The following XYLT1 variants were observed in gnomAD, a reference collection of about 807,000 sequenced individuals.
The protein encoded by XYLT1 is beta-D-xylosyltransferase 1.
In XYLT1, 36 loss-of-function variants were observed where a neutral mutation model predicts 91.3. The observed-to-expected ratio is 0.39, with a 90% confidence interval of 0.30 to 0.52. XYLT1 has a LOEUF of 0.52. Ranked by LOEUF, XYLT1 falls within the 20% of genes least tolerant of loss-of-function variation. XYLT1 has a pLI of 0.68. For synonymous variants in XYLT1, 588 were observed against 532.0 expected, an observed-to-expected ratio of 1.11 and a Z score of -1.45; for missense variants, 1,242 against 1,284.5, an observed-to-expected ratio of 0.97 and a Z score of 0.51.
Position 17,263,812 on chromosome 16 carries a change from G to A in XYLT1, c.403-4314C>T, listed in dbSNP as rs543104185. Reference sequence around the variant, plus strand: ...TAACCTCCGCCTCCCAGGTTCAAGTGATTCTCCTGCCTCAGCCTCCTGAGT... The same window carrying A: ...TAACCTCCGCCTCCCAGGTTCAAGTAATTCTCCTGCCTCAGCCTCCTGAGT... On this transcript the variant is annotated intron_variant, in intron 2 of 11. Coordinates refer to ENST00000261381, the MANE Select transcript of XYLT1 (RefSeq NM_022166.4). Among the ~76,000 whole-genome samples the A allele has an allele frequency of 1.2e-3, 184 of 152,216 alleles. 1 individual carries two copies. Among genetic ancestry groups the A allele is most frequent in the African/African-American group, 4.4e-3 (181 of 41,552 alleles).
chr16:17,194,674 C>A (rs564634107), intron 5 of XYLT1, among the ~76,000 whole-genome samples: 2 of 152,226 alleles, frequency 1.3e-5, no homozygotes, highest in Non-Finnish European at 2.9e-5. Context: ...GGCCATCCTG[C>A]CAGTCCAGTT....
intron 2 of XYLT1, among the ~76,000 whole-genome samples, chr16:17,342,697 G>C (rs865944957): frequency 3.3e-5 from 5 of 151,996 alleles, no homozygotes; most frequent in African/African-American, 1.2e-4. Context: ...ACTCCAGCCT[G>C]GGCAACAGAG....
rs144860636 is a variant in XYLT1, at chr16:17,331,525, T to C, written c.402+26487A>G. On this transcript the variant is annotated intron_variant, in intron 2 of 11. Transcript: ENST00000261381. ...GACACACGTTTTCCATTCAACACTC[T>C]TTCTGATTTGGTTGCGGTTGTACTG... is the stretch of plus-strand genomic sequence containing the variant. Among the ~76,000 whole-genome samples, 280 of 152,328 alleles carry C rather than the reference T, an allele frequency of 1.8e-3. 2 individuals carry two copies. Among genetic ancestry groups the C allele is most frequent in the African/African-American group, 6.3e-3 (262 of 41,576 alleles).
chr16:17,205,146 T>TGTGAA (rs1180158991), intron 3 of XYLT1, among the ~76,000 whole-genome samples: 1 of 152,158 alleles, frequency 6.6e-6, no homozygotes, highest in Non-Finnish European at 1.5e-5. Flanking sequence ...GCAGTGCAGG[T>TGTGAA]GTGAAGGCTG....
At chr16:17,219,413 G>A (rs1219289064) in intron 3 of XYLT1, among the ~76,000 whole-genome samples, 1 of 152,048 alleles carries the variant, frequency 6.6e-6, no homozygotes, top group Admixed American at 6.6e-5. Context: ...AAATAAATGT[G>A]AAATGAATGA....
chr16:17,211,541 G>A lies in XYLT1; in HGVS notation c.914-10887C>T, dbSNP rs2032756944. Among the ~76,000 whole-genome samples, 3 of 152,152 alleles carry A rather than the reference G, an allele frequency of 2.0e-5. No homozygotes were observed. The South Asian group carries it at 6.2e-4, about 32-fold the overall frequency. ...ATTCATGTGGTTCTTTCACTCATGA[G>A]GCTTTTACCTCTTGTAACAATGCTG... On this transcript the variant is annotated intron_variant, in intron 3 of 11. Coordinates refer to ENST00000261381, the MANE Select transcript of XYLT1 (RefSeq NM_022166.4).
chr16:17,296,896 C>T (rs1453865312), intron 2 of XYLT1, among the ~76,000 whole-genome samples: 1 of 152,172 alleles, frequency 6.6e-6, no homozygotes, highest in Non-Finnish European at 1.5e-5. Context: ...AGTCTAAGGT[C>T]TTTGAGTCTC....
At chr16:17,353,618 G>A (rs1033525741) in intron 2 of XYLT1, among the ~76,000 whole-genome samples, 7 of 152,232 alleles carry the variant, frequency 4.6e-5, no homozygotes, top group East Asian at 3.9e-4. Flanking sequence ...AACTCACTGC[G>A]CAAAGCATTG....
At chr16:17,448,347 G>A (rs1477270281) in intron 1 of XYLT1, among the ~76,000 whole-genome samples, 2 of 152,108 alleles carry the variant, frequency 1.3e-5, no homozygotes, top group Non-Finnish European at 2.9e-5. Flanking sequence ...CCTGGGCGCA[G>A]ACAGAGCAAG....
intron 1 of XYLT1, among the ~76,000 whole-genome samples, chr16:17,432,449 T>C (rs2036403570): frequency 6.6e-6 from 1 of 152,164 alleles, no homozygotes; most frequent in African/African-American, 2.4e-5. Context: ...AAAAACCACA[T>C]ACTGCATGCT....
intron 3 of XYLT1, among the ~76,000 whole-genome samples, chr16:17,242,990 C>A (rs1430537130): frequency 1.3e-5 from 2 of 152,148 alleles, no homozygotes; most frequent in South Asian, 2.1e-4. Flanking sequence ...TATGTGTAGA[C>A]CACATTTTGT....
chr16:17,109,156 C>T, intron 11 of XYLT1, 139 bp from the exon 12 acceptor site: 1 of 940,028 alleles, frequency 1.1e-6, no homozygotes, highest in Non-Finnish European at 1.5e-6. Flanking sequence ...TGAGGAAGTT[C>T]TTTTAGCAGT....
intron 1 of XYLT1, among the ~76,000 whole-genome samples, chr16:17,448,272 G>A (rs998583826): frequency 7.2e-5 from 11 of 152,204 alleles, no homozygotes; most frequent in African/African-American, 2.4e-4. Context: ...GGAGGCTGAG[G>A]CAGAATTGCT....
chr16:17,264,620 T>A (rs2033773649), intron 2 of XYLT1, among the ~76,000 whole-genome samples: 2 of 152,060 alleles, frequency 1.3e-5, no homozygotes, highest in South Asian at 2.1e-4. Flanking sequence ...ACAAAACCAA[T>A]CTTGGGAGGT....
chr16:17,394,576 G>A (rs1042315881), intron 1 of XYLT1, among the ~76,000 whole-genome samples: 1 of 152,204 alleles, frequency 6.6e-6, no homozygotes, highest in Non-Finnish European at 1.5e-5. Flanking sequence ...TTCCATGTCA[G>A]ACCATGGAGG....
chr16:17,292,105 C>CACAT (rs1491509347), intron 2 of XYLT1, among the ~76,000 whole-genome samples: 39 of 137,618 alleles, frequency 2.8e-4, no homozygotes, highest in African/African-American at 9.8e-4. Flanking sequence ...CACACACACA[C>CACAT]ATATACACAT....
At chr16:17,258,935 G>T in intron 3 of XYLT1, 53 bp downstream of exon 3, 1 of 1,469,180 alleles carries the variant, frequency 6.8e-7, no homozygotes, top group South Asian at 1.6e-5. Context: ...GGCTGGGCAG[G>T]AGGAGGAAGT....
intron 1 of XYLT1, among the ~76,000 whole-genome samples, chr16:17,390,363 G>T (rs980651824): frequency 5.3e-5 from 8 of 152,218 alleles, no homozygotes; most frequent in Admixed American, 5.2e-4. Context: ...GGAGTGGTAA[G>T]AAGGTGCCTA....
intron 3 of XYLT1, among the ~76,000 whole-genome samples, chr16:17,240,236 T>G (rs1011035190): frequency 6.6e-6 from 1 of 152,208 alleles, no homozygotes; most frequent in African/African-American, 2.4e-5. Flanking sequence ...TACAGTCTGC[T>G]TTCTCTAGGG....
Sources: allele counts gnomAD v4.1 joint callset (sites outside exome capture counted in the v4.1 genomes callset), GRCh38; gene constraint gnomAD v4.1.1; transcripts MANE v1.5; gene names NCBI Gene and HGNC (gene_info 2026-07-23, HGNC 2026-07-21).